The following RNF150 variants were observed in gnomAD, a reference collection of about 807,000 sequenced individuals.
RNF150 encodes ring finger protein 150.
Under a neutral mutation model 39.3 loss-of-function variants are expected in RNF150, and 24 were observed. The observed-to-expected ratio is 0.61, with a 90% CI of 0.44 to 0.86. The LOEUF (loss-of-function observed/expected upper bound fraction) is 0.86. Ranked by LOEUF, RNF150 falls within the 40% of genes least tolerant of loss-of-function variation. The pLI, the probability that RNF150 is intolerant of heterozygous loss-of-function variation, is 0.00. For missense variants in RNF150, 502 were observed against 587.8 expected (o/e 0.85, Z 1.51); for synonymous variants, 255 against 227.3 (o/e 1.12, Z -1.10).
chr4:141,195,419 T>C (rs1728185821), intron 1 of RNF150, among the ~76,000 whole-genome samples: 1 of 152,236 alleles, frequency 6.6e-6, no homozygotes, highest in East Asian at 1.9e-4. Flanking sequence ...GTTTTCTCCC[T>C]GTATCTTTTC....
At chr4:141,116,675 A>G (rs1268641096) in intron 1 of RNF150, among the ~76,000 whole-genome samples, 1 of 152,232 alleles carries the variant, frequency 6.6e-6, no homozygotes, top group African/African-American at 2.4e-5. Flanking sequence ...ATTTCACTAT[A>G]AAGACACATG....
intron 1 of RNF150, among the ~76,000 whole-genome samples, chr4:140,991,146 T>C: frequency 6.6e-6 from 1 of 152,250 alleles, no homozygotes; most frequent in East Asian, 1.9e-4. Context: ...TATGTCTTCT[T>C]TTGAGAAGTA....
At chr4:141,017,233 T>C (rs1421102569) in intron 1 of RNF150, among the ~76,000 whole-genome samples, 1 of 152,196 alleles carries the variant, frequency 6.6e-6, no homozygotes, top group Admixed American at 6.6e-5. Context: ...AACCAGCTGC[T>C]TTTCCTAAAC....
intron 6 of RNF150, among the ~76,000 whole-genome samples, chr4:140,896,721 C>CAAA (rs1162045168): frequency 3.6e-5 from 2 of 56,062 alleles, no homozygotes; most frequent in African/African-American, 9.8e-5. Context: ...AACAAACAAA[C>CAAA]AAAAAAAAAT....
At chr4:141,182,504 A>G (rs1435014140) in intron 1 of RNF150, among the ~76,000 whole-genome samples, 1 of 13,912 alleles carries the variant, frequency 7.2e-5, no homozygotes, top group East Asian at 1.3e-3. Context: ...AAATCAATGT[A>G]CAAAAATCAC....
chr4:141,054,878 C>G (rs1417120450), intron 1 of RNF150, among the ~76,000 whole-genome samples: 1 of 152,108 alleles, frequency 6.6e-6, no homozygotes, highest in Non-Finnish European at 1.5e-5. Flanking sequence ...TACAATCATA[C>G]AGAGTACCAG....
chr4:141,145,076 C>T (rs1727178422), intron 1 of RNF150, among the ~76,000 whole-genome samples: 1 of 152,004 alleles, frequency 6.6e-6, no homozygotes, highest in African/African-American at 2.4e-5. Flanking sequence ...CTCATATTTG[C>T]ATTTCACTTA....
chr4:141,037,349 C>G (rs1309114013), intron 1 of RNF150, among the ~76,000 whole-genome samples: 3 of 151,950 alleles, frequency 2.0e-5, no homozygotes, highest in Admixed American at 1.3e-4. Context: ...TTTAAGAAAC[C>G]AATGCATAAT....
At chr4:140,944,361 G>T (rs76280437) in intron 4 of RNF150, among the ~76,000 whole-genome samples, 1 of 152,130 alleles carries the variant, frequency 6.6e-6, no homozygotes, top group Non-Finnish European at 1.5e-5. Context: ...GTCTGAGGCT[G>T]AGCAGCTTTG....
In RNF150 at chr4:141,002,901, C is replaced by T. The variant is rs150150543; in HGVS notation, c.485-35028G>A. 3.5e-3 allele frequency among the ~76,000 whole-genome samples: 537 copies of T among 152,270 alleles called. 2 individuals carry two copies. Among genetic ancestry groups the T allele is most frequent in the African/African-American group, 0.012 (492 of 41,544 alleles). On this transcript the variant is annotated intron_variant, in intron 1 of 6. Coordinates refer to ENST00000515673, the MANE Select transcript of RNF150 (RefSeq NM_020724.2). ...ACTTTTAAGCTTTTCAAGGAGAGCT[C>T]TCTGTGTTCCAAAAGTTAAGAACAT...
rs189039757 is a variant in RNF150, at chr4:140,897,776, A to G, written c.1198+13368T>C. ...TTTTTTTGAATGCTTATTATGGACC[A>G]GGTACTTTTCTAAGGATTATTGCAT... On this transcript the variant is annotated intron_variant, in intron 6 of 6. Coordinates refer to ENST00000515673, the MANE Select transcript of RNF150 (RefSeq NM_020724.2). Among the ~76,000 whole-genome samples, 178 of 152,326 alleles carry G rather than the reference A, an allele frequency of 1.2e-3. 1 individual carries two copies. Among genetic ancestry groups the G allele is most frequent in the Admixed American group, 2.6e-3 (40 of 15,286 alleles).
At chr4:141,196,245 C>T (rs1451844885) in intron 1 of RNF150, among the ~76,000 whole-genome samples, 1 of 152,152 alleles carries the variant, frequency 6.6e-6, no homozygotes, top group Non-Finnish European at 1.5e-5. Context: ...ACCCTGATCC[C>T]CTTAAGGGGA....
intron 1 of RNF150, among the ~76,000 whole-genome samples, chr4:140,980,432 GA>G (rs1733817510): frequency 6.6e-6 from 1 of 152,062 alleles, no homozygotes; most frequent in African/African-American, 2.4e-5. Flanking sequence ...TGAACTTCTA[GA>G]TATTTATGAT....
intron 2 of RNF150, among the ~76,000 whole-genome samples, chr4:140,957,566 C>G (rs1331385978): frequency 6.6e-6 from 1 of 152,124 alleles, no homozygotes; most frequent in African/African-American, 2.4e-5. Flanking sequence ...ACCCAAAGGA[C>G]TATAAATCAT....
chr4:141,127,678 T>C lies in RNF150; in HGVS notation c.484+4647A>G, dbSNP rs765739340. Reference sequence around the variant, plus strand: ...GCTCCTCCTTTCCAAGGGCCTAGCATGTTCTCCAGAGTTACTGCAACCATT... The same window carrying C: ...GCTCCTCCTTTCCAAGGGCCTAGCACGTTCTCCAGAGTTACTGCAACCATT... On this transcript the variant is annotated intron_variant, in intron 1 of 6. Transcript: ENST00000515673. Among the ~76,000 whole-genome samples, 7 of 152,178 alleles carry C rather than the reference T, an allele frequency of 4.6e-5. No individual in the cohort carries two copies. The South Asian group carries it at 6.2e-4, about 14-fold the overall frequency.
chr4:141,117,084 G>A (rs772200258), intron 1 of RNF150, among the ~76,000 whole-genome samples: 5 of 151,960 alleles, frequency 3.3e-5, no homozygotes, highest in South Asian at 2.1e-4. Context: ...ACCATGGCAC[G>A]TGTATACCTA....
At chr4:141,207,593 G>A (rs1345933764) in intron 1 of RNF150, among the ~76,000 whole-genome samples, 1 of 151,492 alleles carries the variant, frequency 6.6e-6, no homozygotes, top group African/African-American at 2.5e-5. Context: ...GAACTTCGGA[G>A]AGGATTCTTC....
At chr4:141,062,945 C>G (rs1375381583) in intron 1 of RNF150, among the ~76,000 whole-genome samples, 2 of 152,220 alleles carry the variant, frequency 1.3e-5, no homozygotes, top group Admixed American at 6.5e-5. Flanking sequence ...GTTTTCTGTT[C>G]CTGTGTAAAT....
intron 2 of RNF150, among the ~76,000 whole-genome samples, chr4:140,956,460 A>G (rs1262654985): frequency 2.0e-5 from 3 of 152,174 alleles, no homozygotes; most frequent in African/African-American, 7.2e-5. Context: ...AAAGGTCAAG[A>G]AGAGGTCACA....
Sources: gnomAD v4.1 joint callset for allele counts (sites outside exome capture counted in the v4.1 genomes callset) on GRCh38, gnomAD v4.1.1 for gene constraint, MANE v1.5 for transcripts, NCBI Gene and HGNC (gene_info 2026-07-23, HGNC 2026-07-21) for gene names.